The following SHBG variants were observed in gnomAD, a reference collection of about 807,000 sequenced individuals.
SHBG encodes sex hormone binding globulin.
Under a neutral mutation model 41.9 loss-of-function variants are expected in SHBG, and 37 were observed. That is an observed-to-expected ratio of 0.88 (90% confidence interval 0.68 to 1.16). SHBG has a LOEUF of 1.16. SHBG is among the 50% of genes most tolerant of loss of function. The pLI is 0.00. For missense variants in SHBG, 466 were observed against 499.9 expected (o/e 0.93, Z 0.65); for synonymous variants, 217 against 205.8 (o/e 1.05, Z -0.47).
At chr17:7,632,698 G>A (rs1230337198) in intron 6 of SHBG, 54 bp from the exon 7 acceptor site, 15 of 1,413,166 alleles carry the variant, frequency 1.1e-5, no homozygotes, top group Admixed American at 1.7e-5. Flanking sequence ...CAGGCAGTAG[G>A]CCCGGCTCAT....
In SHBG at chr17:7,632,873, C is replaced by T. The variant is rs376443864; in HGVS notation, c.974C>T (p.Ala325Val). The T allele has an allele frequency of 1.2e-6, 2 of 1,614,052 alleles. No individual in the cohort carries two copies. Among genetic ancestry groups the T allele is most frequent in the African/African-American group, 2.7e-5 (2 of 74,934 alleles). The change falls in exon 7 of 8, where the codon GCC becomes GTC. Residue 325 changes from alanine to valine, a missense_variant. Ala to Val is a moderately conservative substitution (Grantham distance 64). Coordinates refer to ENST00000380450, the MANE Select transcript of SHBG (RefSeq NM_001040.5). ...VVLSQGSKMK[A>V]LALPPLGLAP... ...TTGAGCCAAGGGTCGAAGATGAAGG[C>T]CCTTGCCCTGCCTCCCTTAGGCCTG...
upstream of SHBG, among the ~76,000 whole-genome samples, chr17:7,624,037 C>A (rs2072146297): frequency 6.6e-6 from 1 of 152,038 alleles, no homozygotes; most frequent in Non-Finnish European, 1.5e-5. Flanking sequence ...CTGCAAACTC[C>A]ACCTCCTAGG....
upstream of SHBG, chr17:7,626,501 GCC>G: frequency 6.2e-7 from 1 of 1,614,146 alleles, no homozygotes; most frequent in Non-Finnish European, 8.5e-7. Context: ...AGAAGTGCCA[GCC>G]CTCAGCTTCC....
intron 3 of SHBG, 95 bp from the exon 4 acceptor site, chr17:7,631,105 G>T (rs1174835132): frequency 4.7e-6 from 6 of 1,285,264 alleles, no homozygotes; most frequent in Non-Finnish European, 5.3e-6. Context: ...CTTCTTTAAG[G>T]CATGTTCTTT....
At chr17:7,614,428 TC>T (rs1833077968) in intron 1 of SHBG, 10 of 1,493,322 alleles carry the variant, frequency 6.7e-6, no homozygotes, top group African/African-American at 1.4e-5. Context: ...AGGACCGGCG[TC>T]CCCAGTCGGC....
At chr17:7,615,161 A>AG (rs1191285356) in intron 1 of SHBG, among the ~76,000 whole-genome samples, 1 of 151,348 alleles carries the variant, frequency 6.6e-6, no homozygotes, top group Non-Finnish European at 1.5e-5. Flanking sequence ...AGGGGGAGGG[A>AG]GGGGCCGGGC....
At chr17:7,615,283 T>C (rs1030618220) in intron 1 of SHBG, among the ~76,000 whole-genome samples, 1 of 151,880 alleles carries the variant, frequency 6.6e-6, no homozygotes, top group African/African-American at 2.4e-5. Context: ...GGCATGCGCC[T>C]GAACGACTGC....
At chr17:7,614,178 G>T in intron 1 of SHBG, 1 of 657,990 alleles carries the variant, frequency 1.5e-6, no homozygotes, top group Non-Finnish European at 2.8e-6. Flanking sequence ...CTCCTGCGGA[G>T]CGGGGAGCGC....
rs762607889 is a variant in SHBG, at chr17:7,633,265, T to A, written c.1122T>A (p.Asp374Glu). The A allele has an allele frequency of 5.6e-6, 9 of 1,614,154 alleles. No individual in the cohort carries two copies. Among genetic ancestry groups the A allele is most frequent in the African/African-American group, 1.3e-5 (1 of 75,034 alleles). The change falls in exon 8 of 8, where the codon GAT (aspartate) becomes GAA (glutamate). Residue 374 changes from aspartate to glutamate, a missense_variant. Transcript: ENST00000380450. ...NGLWAQGQRL[D>E]VDQALNRSHE... The stretch of plus-strand genomic sequence containing the variant: ...TTTGGGCACAAGGTCAGAGGCTGGA[T>A]GTGGACCAGGCCCTGAACAGAAGCC...
At chr17:7,620,626 A>T (rs2072074234) in intron 1 of SHBG, among the ~76,000 whole-genome samples, 1 of 144,332 alleles carries the variant, frequency 6.9e-6, no homozygotes, top group Non-Finnish European at 1.5e-5. Context: ...CAGATTAATA[A>T]TTTTTTTTTT....
intron 1 of SHBG, among the ~76,000 whole-genome samples, chr17:7,615,030 C>T (rs567251925): frequency 3.3e-5 from 5 of 152,208 alleles, no homozygotes; most frequent in South Asian, 2.1e-4. Context: ...TCTCACTCCC[C>T]CTCCTGGTCG....
upstream of SHBG, chr17:7,627,627 G>A: frequency 6.2e-7 from 1 of 1,613,908 alleles, no homozygotes; most frequent in Non-Finnish European, 8.5e-7. This position sits in a 1 kb window ranked among gnomAD's most constrained non-coding sequence, Gnocchi z 4.8. Context: ...GGATCCGCAC[G>A]GAAGCCATCC....
chr17:7,632,931 A>G lies in SHBG; in HGVS notation c.1032A>G (p.Gln344=). ...APLLNLWAKP[Q]GRLFLGALPG... is the part of the protein sequence containing the mutation. ...TCCTTAACCTCTGGGCCAAGCCTCAAGGGCGTCTCTTCCTGGGGGCTTTAC... is the reference window on the plus strand; with the variant it reads ...TCCTTAACCTCTGGGCCAAGCCTCAGGGGCGTCTCTTCCTGGGGGCTTTAC... Residue 344 remains glutamine, a synonymous_variant, in exon 7 of 8, where the codon CAA becomes CAG. Transcript: ENST00000380450. The G allele has an allele frequency of 1.2e-6, 2 of 1,614,124 alleles. No homozygotes were observed. The highest frequency in any genetic ancestry group is 1.3e-5 in the African/African-American group (1 of 75,052).
chr17:7,622,356 T>A (rs969349033), intron 1 of SHBG, among the ~76,000 whole-genome samples: 1 of 151,428 alleles, frequency 6.6e-6, no homozygotes, highest in Non-Finnish European at 1.5e-5. Flanking sequence ...CACTGCAACC[T>A]CCACCTCCCG....
At chr17:7,626,762 C>T, upstream of SHBG, 2 of 1,614,162 alleles carry the variant, frequency 1.2e-6, no homozygotes, top group Non-Finnish European at 1.7e-6. Context: ...CCTCAGCCAC[C>T]TTTTTGATTA....
intron 1 of SHBG, chr17:7,614,428 T>A (rs749773723): frequency 1.2e-4 from 178 of 1,493,222 alleles, no homozygotes; most frequent in Non-Finnish European, 1.5e-4. Context: ...AGGACCGGCG[T>A]CCCCAGTCGG....
upstream of SHBG, chr17:7,626,206 A>T: frequency 2.0e-5 from 8 of 397,584 alleles, no homozygotes; most frequent in East Asian, 4.6e-5. Context: ...AAAAAAAAAA[A>T]GAAATAAAAG....
At chr17:7,625,370 G>A (rs62059838), upstream of SHBG, among the ~76,000 whole-genome samples, 11,928 of 151,446 alleles carry the variant, frequency 0.079, 612 homozygotes, top group East Asian at 0.11. Context: ...GAGGTCAGGA[G>A]ATCGAGACCA....
At chr17:7,632,105 GT>G in intron 6 of SHBG, 90 bp downstream of exon 6, 1 of 1,363,872 alleles carries the variant, frequency 7.3e-7, no homozygotes. Flanking sequence ...TATTAGGAAG[GT>G]TTCCAGCCCA....
Sources: allele counts gnomAD v4.1 joint callset (sites outside exome capture counted in the v4.1 genomes callset), GRCh38; gene constraint gnomAD v4.1.1; non-coding constraint Gnocchi (gnomAD v3.1); transcripts MANE v1.5; gene names NCBI Gene and HGNC (gene_info 2026-07-23, HGNC 2026-07-21).